The following MAN1A2 variants were observed in gnomAD, a reference collection of about 807,000 sequenced individuals.
MAN1A2 encodes mannosyl-oligosaccharide 1,2-alpha-mannosidase IB.
In MAN1A2, 26 loss-of-function variants were observed where a neutral mutation model predicts 75.7. The observed-to-expected ratio is 0.34, with a 90% CI of 0.25 to 0.48. MAN1A2 has a LOEUF of 0.48. Among genes scored for constraint, MAN1A2 ranks in the 20% least tolerant of loss-of-function variants. The pLI, the probability that MAN1A2 is intolerant of heterozygous loss-of-function variation, is 0.99. For missense variants in MAN1A2, 562 were observed against 775.5 expected, an observed-to-expected ratio of 0.72 and a Z score of 3.27; for synonymous variants, 247 against 264.6, an observed-to-expected ratio of 0.93 and a Z score of 0.65.
At chr1:117,425,876 C>A (rs1469132592) in intron 5 of MAN1A2, among the ~76,000 whole-genome samples, 1 of 152,006 alleles carries the variant, frequency 6.6e-6, no homozygotes, top group Non-Finnish European at 1.5e-5. Context: ...AAAAGAAATG[C>A]CTTTTTGTCT....
Position 117,437,355 on chromosome 1 carries a change from T to C in MAN1A2, c.856-4876T>C, listed in dbSNP as rs1289214890. Among the ~76,000 whole-genome samples the C allele has an allele frequency of 3.9e-5, 6 of 152,182 alleles. No individual in the cohort carries two copies. The East Asian group carries it at 1.2e-3, about 29-fold the overall frequency. ...GTGGAGTTCTCAGTAGTAATTGAAG[T>C]CAGAAGATTTTAGAGTAGTATCTTT... On this transcript the variant is annotated intron_variant, in intron 5 of 12. Transcript: ENST00000356554.
At chr1:117,419,829 A>T (rs1232095685) in intron 4 of MAN1A2, among the ~76,000 whole-genome samples, 9 of 151,966 alleles carry the variant, frequency 5.9e-5, no homozygotes, top group African/African-American at 2.2e-4. Flanking sequence ...TTTGTTTATG[A>T]TTCTTTTTCT....
chr1:117,368,831 G>C (rs181518711), intron 1 of MAN1A2, among the ~76,000 whole-genome samples: 1 of 152,276 alleles, frequency 6.6e-6, no homozygotes, highest in East Asian at 1.9e-4. Flanking sequence ...AGCTGTGCCT[G>C]CATTTATTAA....
intron 12 of MAN1A2, among the ~76,000 whole-genome samples, chr1:117,507,604 TG>T (rs1186017889): frequency 5.9e-5 from 9 of 151,758 alleles, no homozygotes; most frequent in Admixed American, 5.3e-4. Flanking sequence ...TGTTTATTTC[TG>T]AGTATTTTGA....
intron 8 of MAN1A2, among the ~76,000 whole-genome samples, chr1:117,484,570 G>T (rs920095567): frequency 6.6e-6 from 1 of 151,950 alleles, no homozygotes; most frequent in Non-Finnish European, 1.5e-5. Flanking sequence ...GATGATTAGT[G>T]TCACAAGTTG....
chr1:117,454,446 A>C (rs746895538), intron 6 of MAN1A2, among the ~76,000 whole-genome samples: 1 of 152,204 alleles, frequency 6.6e-6, no homozygotes, highest in Non-Finnish European at 1.5e-5. Flanking sequence ...AAGCAATACA[A>C]TCCAGAAAAC....
chr1:117,492,343 CAA>C (rs1330112786), intron 8 of MAN1A2, among the ~76,000 whole-genome samples: 1 of 152,032 alleles, frequency 6.6e-6, no homozygotes, highest in African/African-American at 2.4e-5. Flanking sequence ...CCTCCACCAT[CAA>C]AAAAGAGTAT....
intron 1 of MAN1A2, among the ~76,000 whole-genome samples, chr1:117,393,593 CT>C (rs1214024123): frequency 1.3e-5 from 2 of 151,470 alleles, no homozygotes; most frequent in African/African-American, 2.4e-5. Flanking sequence ...CATAAAAAAA[CT>C]TTTAGTATTG....
At chr1:117,429,025 A>G (rs1336116758) in intron 5 of MAN1A2, among the ~76,000 whole-genome samples, 2 of 145,984 alleles carry the variant, frequency 1.4e-5, no homozygotes, top group Non-Finnish European at 3.0e-5. Context: ...TGCTGCCTTC[A>G]AGCATCTGTT....
At chr1:117,509,816 CAAA>C (rs3835644) in intron 12 of MAN1A2, among the ~76,000 whole-genome samples, 18,694 of 148,438 alleles carry the variant, frequency 0.13, 1,206 homozygotes, top group Non-Finnish European at 0.14. Context: ...GAAGAAATGA[CAAA>C]AAAAAAAAAT....
intron 12 of MAN1A2, among the ~76,000 whole-genome samples, chr1:117,521,670 AGTGG>A (rs1354086873): frequency 6.6e-6 from 1 of 152,012 alleles, no homozygotes; most frequent in Non-Finnish European, 1.5e-5. Flanking sequence ...CAATCCCACT[AGTGG>A]GTATCTACCC....
chr1:117,429,459 G>T (rs866766797), intron 5 of MAN1A2, among the ~76,000 whole-genome samples: 5 of 91,906 alleles, frequency 5.4e-5, no homozygotes, highest in African/African-American at 8.8e-5. Context: ...CCCTCCCGGA[G>T]GGGGCGGCTG....
chr1:117,420,801 G>A (rs542411444), intron 5 of MAN1A2, 152 bp downstream of exon 5: 2 of 590,558 alleles, frequency 3.4e-6, no homozygotes, highest in Admixed American at 3.2e-5. Flanking sequence ...TATTCCTTGG[G>A]AATAATAATT....
intron 12 of MAN1A2, among the ~76,000 whole-genome samples, chr1:117,521,435 C>G (rs1321057763): frequency 1.3e-5 from 2 of 151,824 alleles, no homozygotes; most frequent in Non-Finnish European, 2.9e-5. Flanking sequence ...TGCTCAACAT[C>G]ACTAATGATC....
rs538240895 is a variant in MAN1A2 at position 117,395,976 on chromosome 1, T to C, written c.303-6210T>C. Among the ~76,000 whole-genome samples, 5 of 152,362 alleles carry C rather than the reference T, an allele frequency of 3.3e-5. No homozygotes were observed. In the South Asian group the frequency reaches 8.3e-4, roughly 25 times the overall value. On this transcript the variant is annotated intron_variant, in intron 1 of 12. Transcript: ENST00000356554. Reference sequence around the variant, plus strand: ...CAAATGTTGATCTGCCAGTGTCCTTTTCCCATGGAGTCAGGACATGTTCTT... The same window carrying C: ...CAAATGTTGATCTGCCAGTGTCCTTCTCCCATGGAGTCAGGACATGTTCTT...
At chr1:117,423,597 G>A (rs1648265320) in intron 5 of MAN1A2, among the ~76,000 whole-genome samples, 1 of 151,608 alleles carries the variant, frequency 6.6e-6, no homozygotes, top group Non-Finnish European at 1.5e-5. Context: ...CATGTTTTTG[G>A]TAGTTCTGTA....
chr1:117,410,941 T>C (rs184023140), intron 3 of MAN1A2, among the ~76,000 whole-genome samples: 1 of 151,910 alleles, frequency 6.6e-6, no homozygotes, highest in Admixed American at 6.6e-5. Context: ...TATGTTGTTT[T>C]TGAGAGAAAT....
intron 12 of MAN1A2, among the ~76,000 whole-genome samples, chr1:117,507,276 C>T (rs751487996): frequency 6.6e-6 from 1 of 151,498 alleles, no homozygotes; most frequent in Non-Finnish European, 1.5e-5. Context: ...AATAAAGTCT[C>T]GTAGATCTGG....
At chr1:117,466,498 A>G (rs1649987950) in intron 8 of MAN1A2, 71 bp downstream of exon 8, 3 of 1,003,184 alleles carry the variant, frequency 3.0e-6, no homozygotes, top group Non-Finnish European at 4.4e-6. Context: ...TTGATGTTGT[A>G]AAAAGTACAC....
Sources: gnomAD v4.1 joint callset for allele counts (sites outside exome capture counted in the v4.1 genomes callset) on GRCh38, gnomAD v4.1.1 for gene constraint, MANE v1.5 for transcripts, NCBI Gene and HGNC (gene_info 2026-07-23, HGNC 2026-07-21) for gene names.